Variants in CLNK observed in about 807,000 individuals in gnomAD.
CLNK encodes cytokine-dependent hematopoietic cell linker.
In CLNK, 74 loss-of-function variants were observed where a neutral mutation model predicts 68.6. The observed-to-expected ratio is 1.08, with a 90% CI of 0.89 to 1.31. The LOEUF (loss-of-function observed/expected upper bound fraction) is 1.31. CLNK is among the 50% of genes most tolerant of loss of function. The probability of loss-of-function intolerance (pLI) is 0.00; values close to 1 mark genes in which losing one functional copy is unlikely to be tolerated. For missense variants in CLNK, 553 were observed against 515.3 expected (o/e 1.07, Z -0.71); for synonymous variants, 198 against 172.2 (o/e 1.15, Z -1.17).
chr4:10,650,818 T>C (rs1351369131), intron 2 of CLNK, among the ~76,000 whole-genome samples: 1 of 151,986 alleles, frequency 6.6e-6, no homozygotes, highest in Non-Finnish European at 1.5e-5. Flanking sequence ...AAGGCTAATA[T>C]CCAGAATCTA....
At chr4:10,703,149 G>A in the CLNK span, among the ~76,000 whole-genome samples, 34 of 152,322 alleles carry the variant, frequency 2.2e-4, no homozygotes, top group East Asian at 4.8e-3. Context: ...TTGTGGGATT[G>A]TTAGTGATAA....
Position 10,490,225 on chromosome 4 carries a change from T to C in CLNK, c.*242A>G. On this transcript the variant is annotated 3_prime_UTR_variant, in exon 19 of 19. Transcript: ENST00000226951. Reference sequence around the variant, plus strand: ...TACTTTTAAAACCCTAGTTTTTATTTTTATTTATTTTCCAGTGGCCAGTTA... The same window carrying C: ...TACTTTTAAAACCCTAGTTTTTATTCTTATTTATTTTCCAGTGGCCAGTTA... 1 of 392,264 alleles carries C rather than the reference T, an allele frequency of 2.5e-6. No individual in the cohort carries two copies. The highest frequency in any genetic ancestry group is 2.1e-5 in the African/African-American group (1 of 48,320). The allele number at this position is 392,264 out of a possible 1,614,324, so 24.3% of individuals were successfully genotyped here.
intron 17 of CLNK, among the ~76,000 whole-genome samples, chr4:10,506,825 A>C (rs1717314049): frequency 6.6e-6 from 1 of 152,094 alleles, no homozygotes; most frequent in South Asian, 2.1e-4. Flanking sequence ...TTTGAGAAAG[A>C]GTCTCGCTCT....
At chr4:10,715,789 T>G in the CLNK span, among the ~76,000 whole-genome samples, 3 of 152,344 alleles carry the variant, frequency 2.0e-5, no homozygotes, top group African/African-American at 7.2e-5. Flanking sequence ...CCCTGTGTCC[T>G]CAGCGCACTA....
rs747466037 is a variant in CLNK, at chr4:10,489,840, G to C, written c.*627C>G. The C allele has an allele frequency of 6.6e-6, 1 of 151,586 alleles. No homozygotes were observed. Among genetic ancestry groups the C allele is most frequent in the African/African-American group, 2.4e-5 (1 of 41,234 alleles). The allele number at this position is 151,586 out of a possible 1,614,324, so 9.4% of individuals were successfully genotyped here. On this transcript the variant is annotated 3_prime_UTR_variant, in exon 19 of 19. Transcript: ENST00000226951. ...CACCACCACGCCCAGCTGATTTTTTGTATTTTTAGTAGACATGGGGTTTCA... is the reference window on the plus strand; with the variant it reads ...CACCACCACGCCCAGCTGATTTTTTCTATTTTTAGTAGACATGGGGTTTCA...
rs1029626227 is a variant in CLNK at position 10,486,499 on chromosome 4, T to C, written c.*3968A>G. The C allele has an allele frequency of 2.4e-4, 34 of 141,716 alleles. No homozygotes were observed. Among genetic ancestry groups the C allele is most frequent in the African/African-American group, 9.1e-4 (29 of 31,932 alleles). The allele number at this position is 141,716 out of a possible 1,614,324, so 8.8% of individuals were successfully genotyped here. A position where few individuals can be genotyped will look rare whatever the true frequency, so the allele number is the denominator to read the frequency against. ...AATATTGCTCAGAATAAAAAAGATA[T>C]ACAAATATAATGCTAATATACAATA... is the stretch of plus-strand genomic sequence containing the variant. On this transcript the variant is annotated 3_prime_UTR_variant, in exon 19 of 19. Transcript: ENST00000226951.
At chr4:10,524,413 A>C (rs1023640139) in intron 14 of CLNK, among the ~76,000 whole-genome samples, 3 of 152,200 alleles carry the variant, frequency 2.0e-5, no homozygotes, top group African/African-American at 7.2e-5. Context: ...TAATACAGTG[A>C]GGTCGCCCAA....
intron 18 of CLNK, 53 bp downstream of exon 18, chr4:10,501,203 C>A (rs900456079): frequency 1.3e-6 from 2 of 1,504,738 alleles, no homozygotes; most frequent in Non-Finnish European, 1.8e-6. Flanking sequence ...CCAAACTCTT[C>A]CTTTATTTGT....
the CLNK span, among the ~76,000 whole-genome samples, chr4:10,724,611 T>C: frequency 2.0e-5 from 3 of 152,096 alleles, no homozygotes; most frequent in Non-Finnish European, 4.4e-5. Context: ...CAAGGTCGTG[T>C]GAATAAAAGA....
chr4:10,642,120 C>T (rs1723329365), intron 2 of CLNK, among the ~76,000 whole-genome samples: 1 of 152,122 alleles, frequency 6.6e-6, no homozygotes, highest in Admixed American at 6.5e-5. Context: ...CTGTGTAAGT[C>T]AATTTCAATA....
At chr4:10,545,748 C>G (rs1719203032) in intron 8 of CLNK, among the ~76,000 whole-genome samples, 1 of 152,178 alleles carries the variant, frequency 6.6e-6, no homozygotes, top group East Asian at 1.9e-4. Context: ...GGTCCTCAGG[C>G]CTTTGACGTC....
intron 4 of CLNK, among the ~76,000 whole-genome samples, chr4:10,582,551 G>A (rs900350874): frequency 6.6e-6 from 1 of 152,086 alleles, no homozygotes; most frequent in African/African-American, 2.4e-5. Context: ...TTTAGGGGAA[G>A]GAGAAAAACT....
At chr4:10,708,516 T>C in the CLNK span, among the ~76,000 whole-genome samples, 1 of 152,126 alleles carries the variant, frequency 6.6e-6, no homozygotes, top group East Asian at 1.9e-4. Context: ...AGATAGCATA[T>C]ACAACAGCAT....
At chr4:10,610,251 T>C (rs1376021014) in intron 2 of CLNK, among the ~76,000 whole-genome samples, 1 of 149,592 alleles carries the variant, frequency 6.7e-6, no homozygotes, top group Non-Finnish European at 1.5e-5. Context: ...AGAGACGGGG[T>C]TTCACCGTGG....
At chr4:10,501,152 C>T in intron 18 of CLNK, 104 bp downstream of exon 18, 1 of 1,194,972 alleles carries the variant, frequency 8.4e-7, no homozygotes, top group South Asian at 1.8e-5. Context: ...CTGCATCCCT[C>T]TCCTTCAGGG....
chr4:10,690,050 C>A, the CLNK span, among the ~76,000 whole-genome samples: 1 of 152,072 alleles, frequency 6.6e-6, no homozygotes, highest in African/African-American at 2.4e-5. Flanking sequence ...GGATTTCAGA[C>A]GCGCTGAATT....
intron 1 of CLNK, among the ~76,000 whole-genome samples, chr4:10,675,300 T>C (rs1047985733): frequency 3.3e-5 from 5 of 152,328 alleles, no homozygotes; most frequent in Admixed American, 3.3e-4. Flanking sequence ...GGATGCCTGC[T>C]TCTGAGCTCA....
intron 1 of CLNK, among the ~76,000 whole-genome samples, chr4:10,677,827 A>C (rs945303274): frequency 6.6e-6 from 1 of 150,618 alleles, no homozygotes; most frequent in African/African-American, 2.4e-5. Context: ...AAATGGACTA[A>C]TAAAAATAGC....
intron 2 of CLNK, among the ~76,000 whole-genome samples, chr4:10,608,385 T>C (rs1721867509): frequency 6.6e-6 from 1 of 152,076 alleles, no homozygotes; most frequent in Admixed American, 6.5e-5. Context: ...ATCTTCCAAC[T>C]CTCCTTGGTC....
Sources: allele counts gnomAD v4.1 joint callset (sites outside exome capture counted in the v4.1 genomes callset), GRCh38; gene constraint gnomAD v4.1.1; transcripts MANE v1.5; gene names NCBI Gene and HGNC (gene_info 2026-07-23, HGNC 2026-07-21).